Variants in GPC6 observed in about 807,000 individuals in gnomAD.
GPC6 encodes the protein glypican 6, also known as glypican-6.
GPC6 carries 14 observed loss-of-function variants against 55.2 expected under a neutral mutation model. The observed-to-expected ratio is 0.25, with a 90% CI of 0.17 to 0.40. The LOEUF (loss-of-function observed/expected upper bound fraction) is 0.40. Ranked by LOEUF, GPC6 falls within the 10% of genes least tolerant of loss-of-function variation. The pLI is 1.00. For missense variants in GPC6, 641 were observed against 708.5 expected (o/e 0.90, Z 1.08); for synonymous variants, 278 against 259.6 (o/e 1.07, Z -0.68).
At chr13:94,053,614 G>A (rs1234098984) in intron 4 of GPC6, among the ~76,000 whole-genome samples, 1 of 152,058 alleles carries the variant, frequency 6.6e-6, no homozygotes, top group African/African-American at 2.4e-5. Flanking sequence ...CATAATTATA[G>A]CCACCTCCCT....
chr13:94,031,018 G>A (rs764312930), intron 4 of GPC6, among the ~76,000 whole-genome samples: 3 of 151,982 alleles, frequency 2.0e-5, no homozygotes, highest in Admixed American at 1.3e-4. Context: ...GTGTGTGTGC[G>A]TGTGTGCATG....
intron 3 of GPC6, among the ~76,000 whole-genome samples, chr13:93,965,717 C>A (rs1880011216): frequency 6.6e-6 from 1 of 152,036 alleles, no homozygotes. Context: ...TGTAGACAGC[C>A]TATTTAGAAC....
intron 6 of GPC6, among the ~76,000 whole-genome samples, chr13:94,311,375 T>C (rs1876238100): frequency 6.6e-6 from 1 of 152,116 alleles, no homozygotes; most frequent in Admixed American, 6.5e-5. Context: ...CACCATGTTT[T>C]CCAGGCTGGT....
intron 1 of GPC6, among the ~76,000 whole-genome samples, chr13:93,417,667 G>A (rs9589733): frequency 0.012 from 1,868 of 152,136 alleles, 51 homozygotes; most frequent in African/African-American, 0.043. Flanking sequence ...GAGAGAAAGC[G>A]TGGCCAAGCT....
At chr13:93,464,957 T>C (rs967249722) in intron 1 of GPC6, among the ~76,000 whole-genome samples, 1 of 152,194 alleles carries the variant, frequency 6.6e-6, no homozygotes, top group Admixed American at 6.5e-5. Flanking sequence ...AACATGTACC[T>C]CTCTGTCCAC....
chr13:94,322,796 G>A (rs900269628), intron 6 of GPC6, among the ~76,000 whole-genome samples: 4 of 152,024 alleles, frequency 2.6e-5, no homozygotes, highest in African/African-American at 4.8e-5. Context: ...CACACGGTGC[G>A]GTTCTGCTGT....
At chr13:93,401,487 A>G (rs534277807) in intron 1 of GPC6, among the ~76,000 whole-genome samples, 2 of 151,526 alleles carry the variant, frequency 1.3e-5, no homozygotes, top group African/African-American at 4.8e-5. Flanking sequence ...AATTATTGCA[A>G]TTTATTTCCT....
chr13:94,351,962 CAA>C (rs60206836), intron 6 of GPC6, among the ~76,000 whole-genome samples: 10 of 101,544 alleles, frequency 9.8e-5, no homozygotes, highest in African/African-American at 2.1e-4. Flanking sequence ...GAGAAGAAGG[CAA>C]AAAAAAAAAA....
At chr13:93,255,835 T>A (rs540154442) in intron 1 of GPC6, among the ~76,000 whole-genome samples, 1 of 152,300 alleles carries the variant, frequency 6.6e-6, no homozygotes, top group African/African-American at 2.4e-5. Flanking sequence ...ACAAATTTTC[T>A]TGTGATCTAG....
chr13:93,637,405 ACTAGAGGTCTCTTGC>A (rs1879744122), intron 2 of GPC6, among the ~76,000 whole-genome samples: 1 of 152,132 alleles, frequency 6.6e-6, no homozygotes, highest in Admixed American at 6.6e-5. Flanking sequence ...GAGATGAATA[ACTAGAGGTCTCTTGC>A]CACAATGTTT....
chr13:93,866,821 C>T (rs908513058), intron 3 of GPC6, among the ~76,000 whole-genome samples: 3 of 151,768 alleles, frequency 2.0e-5, no homozygotes, highest in South Asian at 2.1e-4. Context: ...ACCCCCATTA[C>T]GTATGTTTAC....
chr13:93,458,106 A>G (rs1192735591), intron 1 of GPC6, among the ~76,000 whole-genome samples: 3 of 152,206 alleles, frequency 2.0e-5, no homozygotes, highest in Non-Finnish European at 4.4e-5. Flanking sequence ...ACAAGGCTGA[A>G]AGAACATGTG....
rs113069556 is a variant in GPC6, at chr13:93,244,184, G to A, written c.160+16568G>A. Among the ~76,000 whole-genome samples the A allele has an allele frequency of 7.8e-3, 1,191 of 152,250 alleles. 12 individuals carry two copies. The highest frequency in any genetic ancestry group is 0.027 in the African/African-American group (1,113 of 41,530). On this transcript the variant is annotated intron_variant, in intron 1 of 8. Coordinates refer to ENST00000377047, the MANE Select transcript of GPC6 (RefSeq NM_005708.5). ...CATAAAAGAGTCCACGCTGGGAGCC[G>A]GGCAGCAGGTGGCAATGAGACCCAC... is the stretch of plus-strand genomic sequence containing the variant.
At chr13:93,330,855 A>T (rs1465085660) in intron 1 of GPC6, among the ~76,000 whole-genome samples, 2 of 152,222 alleles carry the variant, frequency 1.3e-5, no homozygotes, top group Non-Finnish European at 2.9e-5. Flanking sequence ...AAAATGATTG[A>T]CATGCAAATA....
chr13:93,393,331 A>C (rs1875719630), intron 1 of GPC6, among the ~76,000 whole-genome samples: 1 of 151,442 alleles, frequency 6.6e-6, no homozygotes, highest in Non-Finnish European at 1.5e-5. Context: ...GTAGAGATGG[A>C]ATTTCACCAT....
chr13:94,189,472 A>G (rs146981728), intron 4 of GPC6, among the ~76,000 whole-genome samples: 190 of 152,302 alleles, frequency 1.2e-3, no homozygotes, highest in Admixed American at 2.6e-3. Flanking sequence ...TTTACTGGAC[A>G]TCATAAAGAT....
intron 1 of GPC6, among the ~76,000 whole-genome samples, chr13:93,438,445 A>G (rs748370919): frequency 6.6e-6 from 1 of 152,168 alleles, no homozygotes; most frequent in African/African-American, 2.4e-5. Context: ...CAAATGATCA[A>G]TATTAACAGG....
At chr13:93,967,200 C>T (rs1419076442) in intron 3 of GPC6, among the ~76,000 whole-genome samples, 1 of 152,134 alleles carries the variant, frequency 6.6e-6, no homozygotes, top group East Asian at 1.9e-4. Context: ...AGTCACTTTG[C>T]TGGGTGCTAA....
intron 1 of GPC6, among the ~76,000 whole-genome samples, chr13:93,286,856 T>A (rs2139074751): frequency 6.6e-6 from 1 of 152,294 alleles, no homozygotes; most frequent in South Asian, 2.1e-4. Context: ...TGATACAAGT[T>A]GAACATTGGC....
Sources: gnomAD v4.1 joint callset for allele counts (sites outside exome capture counted in the v4.1 genomes callset) on GRCh38, gnomAD v4.1.1 for gene constraint, MANE v1.5 for transcripts, NCBI Gene and HGNC (gene_info 2026-07-23, HGNC 2026-07-21) for gene names.